LARP4B: variants seen among roughly 807,000 people sequenced by gnomAD.
The protein encoded by LARP4B is la-related protein 4B.
A neutral mutation model predicts 89.8 loss-of-function variants in LARP4B; 12 were observed. The observed-to-expected ratio is 0.13, with a 90% CI of 0.09 to 0.22. LARP4B has a LOEUF of 0.22. Ranked by LOEUF, LARP4B falls within the 10% of genes least tolerant of loss-of-function variation. The pLI, the probability that LARP4B is intolerant of heterozygous loss-of-function variation, is 1.00. For missense variants in LARP4B, 757 were observed against 947.7 expected, an observed-to-expected ratio of 0.80 and a Z score of 2.64; for synonymous variants, 367 against 363.3, an observed-to-expected ratio of 1.01 and a Z score of -0.12.
rs1451906583 is a variant in LARP4B at position 813,121 on chromosome 10, T to C, written c.2022A>G (p.Pro674=). 1 of 1,614,180 alleles carries C rather than the reference T, an allele frequency of 6.2e-7. No individual in the cohort carries two copies. Among genetic ancestry groups the C allele is most frequent in the South Asian group, 1.1e-5 (1 of 91,078 alleles). ...CCTCCTTCCCACAACCAACAGTGTT[T>C]GGCTTTTGTTCTTTTTGGGGTTGCA... ...SPLQPQKEQK[P]NTVGCGKEEK... is the part of the protein sequence containing the mutation. Residue 674 remains proline, a synonymous_variant, in exon 18 of 18, where the codon CCA becomes CCG. Coordinates refer to ENST00000316157, the MANE Select transcript of LARP4B (RefSeq NM_015155.3).
At chr10:856,361 G>T (rs1417977715) in intron 5 of LARP4B, among the ~76,000 whole-genome samples, 1 of 152,148 alleles carries the variant, frequency 6.6e-6, no homozygotes, top group Non-Finnish European at 1.5e-5. Context: ...GCAACTTCAG[G>T]TTCTGCATGT....
At chr10:845,509 A>T (rs1564401384) in intron 5 of LARP4B, among the ~76,000 whole-genome samples, 1 of 152,250 alleles carries the variant, frequency 6.6e-6, no homozygotes, top group Non-Finnish European at 1.5e-5. Context: ...CAGTTTCTAC[A>T]ACAGAGGCTT....
In LARP4B at chr10:825,075, C is replaced by G; in HGVS notation, c.1474G>C (p.Gly492Arg). 1 of 1,613,980 alleles carries G rather than the reference C, an allele frequency of 6.2e-7. No individual in the cohort carries two copies. The highest frequency in any genetic ancestry group is 1.6e-4 in the Middle Eastern group (1 of 6,062). The change falls in exon 13 of 18, where the codon GGG becomes CGG. Residue 492 changes from glycine (G) to arginine (R), a missense_variant. Physicochemically the swap from Gly to Arg is moderately radical, Grantham distance 125 (BLOSUM62 -2). This residue lies in a region of LARP4B where 387 missense variants were observed against 423.6 expected (regional missense o/e 0.91). Transcript: ENST00000316157. ...TGCTCAACAACTCACCTTCCCCTCC[C>G]TAAACCAGGAGAGGATTCGAGACTG... ...PGSLESSPGL[G>R]RGRKNSFGYR...
In LARP4B at chr10:885,683, C is replaced by T. The variant is rs757317762; in HGVS notation, c.39G>A (p.Pro13=). 10 of 1,614,048 alleles carry T rather than the reference C, an allele frequency of 6.2e-6. No individual in the cohort carries two copies. Among genetic ancestry groups the T allele is most frequent in the South Asian group, 5.5e-5 (5 of 91,080 alleles). The change falls in exon 2 of 18, where the codon CCG becomes CCA. Residue 13 remains proline, a synonymous_variant. Coordinates refer to ENST00000316157, the MANE Select transcript of LARP4B (RefSeq NM_015155.3). ...SDQDAKVVAE[P]QTQRVQEGKD... Reference sequence around the variant, plus strand: ...TGCCCTCCTGGACTCTCTGCGTCTGCGGTTCAGCCACAACCTTAGCGTCCT... The same window carrying T: ...TGCCCTCCTGGACTCTCTGCGTCTGTGGTTCAGCCACAACCTTAGCGTCCT...
chr10:864,679 C>T (rs1004958063), intron 3 of LARP4B, among the ~76,000 whole-genome samples: 3 of 152,186 alleles, frequency 2.0e-5, no homozygotes, highest in East Asian at 3.8e-4. Context: ...GTCAGCAGGG[C>T]GCGGCGGCTC....
At chr10:862,200 A>G (rs1338013943) in intron 5 of LARP4B, among the ~76,000 whole-genome samples, 7 of 151,856 alleles carry the variant, frequency 4.6e-5, no homozygotes, top group Admixed American at 6.5e-5. Context: ...GTACCTTTAT[A>G]AATACTTGAT....
the LARP4B span, among the ~76,000 whole-genome samples, chr10:968,789 C>T: frequency 6.6e-6 from 1 of 152,232 alleles, no homozygotes; most frequent in Non-Finnish European, 1.5e-5. Flanking sequence ...TGAGCGCCTT[C>T]GCGTATGATG....
chr10:837,381 T>C (rs965341479), intron 7 of LARP4B, among the ~76,000 whole-genome samples: 3 of 152,236 alleles, frequency 2.0e-5, no homozygotes, highest in African/African-American at 7.2e-5. Flanking sequence ...TTAACACTGG[T>C]AGAATGCGTG....
chr10:906,209 T>C (rs939828293), intron 1 of LARP4B, among the ~76,000 whole-genome samples: 5 of 152,220 alleles, frequency 3.3e-5, no homozygotes, highest in African/African-American at 1.2e-4. Context: ...ACCCTCTGAA[T>C]AGTACAATGC....
chr10:976,525 G>A, the LARP4B span, among the ~76,000 whole-genome samples: 1 of 148,000 alleles, frequency 6.8e-6, no homozygotes, highest in African/African-American at 2.5e-5. Flanking sequence ...TGCGTAATGT[G>A]CGGCCCGGCC....
chr10:901,109 C>G (rs1179286345), intron 1 of LARP4B, among the ~76,000 whole-genome samples: 2 of 119,702 alleles, frequency 1.7e-5, no homozygotes, highest in Admixed American at 7.9e-5. Flanking sequence ...TTAGTAGAGA[C>G]GAGGTTTCAC....
At chr10:960,396 G>A in the LARP4B span, among the ~76,000 whole-genome samples, 2 of 152,036 alleles carry the variant, frequency 1.3e-5, no homozygotes, top group Admixed American at 6.6e-5. Context: ...GACTAAGAAC[G>A]GGAGGGAGGC....
chr10:973,202 T>C, the LARP4B span, among the ~76,000 whole-genome samples: 1 of 152,022 alleles, frequency 6.6e-6, no homozygotes, highest in Admixed American at 6.6e-5. Flanking sequence ...TGCTGGAGAG[T>C]GCAGCAGGGA....
At chr10:839,893 T>A (rs1002296761) in intron 7 of LARP4B, among the ~76,000 whole-genome samples, 1 of 152,160 alleles carries the variant, frequency 6.6e-6, no homozygotes, top group Non-Finnish European at 1.5e-5. Context: ...ATAACCTAAA[T>A]GTCTATAACT....
At chr10:958,837 C>CTA in the LARP4B span, among the ~76,000 whole-genome samples, 1 of 152,228 alleles carries the variant, frequency 6.6e-6, no homozygotes, top group South Asian at 2.1e-4. Flanking sequence ...ACATCACCCA[C>CTA]TATGCCAGCT....
At chr10:878,574 A>G (rs1439241559) in intron 3 of LARP4B, among the ~76,000 whole-genome samples, 1 of 152,210 alleles carries the variant, frequency 6.6e-6, no homozygotes, top group Non-Finnish European at 1.5e-5. Context: ...GCAGTGGATT[A>G]CCTACGTGTG....
Position 844,644 on chromosome 10 carries a change from A to G in LARP4B, c.509+333T>C, listed in dbSNP as rs187848249. 1.8e-3 allele frequency among the ~76,000 whole-genome samples: 281 copies of G among 152,212 alleles called. 1 individual carries two copies. Among genetic ancestry groups the G allele is most frequent in the Admixed American group, 5.2e-3 (80 of 15,290 alleles). Reference sequence around the variant, plus strand: ...TGTTATATAAATAAAACAACTTGCTATCTCAGTGTCTGGTGTGCTTTCAGA... The same window carrying G: ...TGTTATATAAATAAAACAACTTGCTGTCTCAGTGTCTGGTGTGCTTTCAGA... On this transcript the variant is annotated intron_variant, in intron 6 of 17. Coordinates refer to ENST00000316157, the MANE Select transcript of LARP4B (RefSeq NM_015155.3).
rs1476365473 is a variant in LARP4B, at chr10:822,188, T to G, written c.1485-1343A>C. Among the ~76,000 whole-genome samples the G allele has an allele frequency of 6.6e-6, 1 of 152,234 alleles. No individual in the cohort carries two copies. Among genetic ancestry groups the G allele is most frequent in the African/African-American group, 2.4e-5 (1 of 41,458 alleles). ...AATGACCCATGAGCAGAGCTAGGGA[T>G]GCAACCAGATGAGAGTCTTCAGTGG... On this transcript the variant is annotated intron_variant, in intron 13 of 17. Transcript: ENST00000316157. The surrounding 1 kb of genome is among the most constrained non-coding windows in gnomAD (Gnocchi z 4.6).
At chr10:860,914 T>C (rs1241798030) in intron 5 of LARP4B, among the ~76,000 whole-genome samples, 1 of 152,134 alleles carries the variant, frequency 6.6e-6, no homozygotes, top group African/African-American at 2.4e-5. Context: ...CCCAGCACTT[T>C]GGGAGGCCGA....
Sources: gnomAD v4.1 joint callset for allele counts (sites outside exome capture counted in the v4.1 genomes callset) on GRCh38, gnomAD v4.1.1 for gene constraint, gnomAD v4.1.1 regional missense constraint, Gnocchi (gnomAD v3.1) non-coding constraint, MANE v1.5 for transcripts, NCBI Gene and HGNC (gene_info 2026-07-23, HGNC 2026-07-21) for gene names.